The following CARMIL1 variants were observed in gnomAD, a reference collection of about 807,000 sequenced individuals.
CARMIL1 encodes the protein capping protein regulator and myosin 1 linker 1, also known as F-actin-uncapping protein LRRC16A.
Under a neutral mutation model 177.1 loss-of-function variants are expected in CARMIL1, and 90 were observed. That is an observed-to-expected ratio of 0.51 (90% CI 0.43 to 0.61). The LOEUF is 0.61. CARMIL1 is among the 20% of genes least tolerant of loss of function. CARMIL1 has a pLI of 0.00. For synonymous variants in CARMIL1, 577 were observed against 606.2 expected (o/e 0.95, Z 0.71); for missense variants, 1,380 against 1,667.0 (o/e 0.83, Z 3.00).
At chr6:25,517,131 TC>T (rs1187542082) in intron 21 of CARMIL1, among the ~76,000 whole-genome samples, 1 of 152,222 alleles carries the variant, frequency 6.6e-6, no homozygotes, top group Non-Finnish European at 1.5e-5. Context: ...GTACAGTTTT[TC>T]CATACTACTT....
At chr6:25,576,690 T>G (rs1442587839) in intron 29 of CARMIL1, among the ~76,000 whole-genome samples, 4 of 152,198 alleles carry the variant, frequency 2.6e-5, no homozygotes, top group Non-Finnish European at 5.9e-5. Flanking sequence ...AATATCACTT[T>G]GTACACACCT....
At chr6:25,380,597 C>A (rs963826227) in intron 2 of CARMIL1, among the ~76,000 whole-genome samples, 2 of 152,128 alleles carry the variant, frequency 1.3e-5, no homozygotes, top group East Asian at 1.9e-4. Flanking sequence ...AAAACTTATA[C>A]CTCCTATTGT....
At chr6:25,443,046 C>T (rs564048384) in intron 5 of CARMIL1, among the ~76,000 whole-genome samples, 8 of 152,262 alleles carry the variant, frequency 5.3e-5, no homozygotes, top group African/African-American at 1.9e-4. Context: ...GTAGCTGAAC[C>T]CCCTATGTAT....
chr6:25,509,060 T>G lies in CARMIL1; in HGVS notation c.1396-596T>G, dbSNP rs1805214147. On this transcript the variant is annotated intron_variant, in intron 17 of 36. Transcript: ENST00000329474. The surrounding 1 kb of genome is among the most constrained non-coding windows in gnomAD (Gnocchi z 4.1). ...ACAATCATGATAATAATATTTTATATTAATTTAACATTTTTCCATCCATGG... is the reference window on the plus strand; with the variant it reads ...ACAATCATGATAATAATATTTTATAGTAATTTAACATTTTTCCATCCATGG... Among the ~76,000 whole-genome samples the G allele has an allele frequency of 6.6e-6, 1 of 152,210 alleles. No individual in the cohort carries two copies. Among genetic ancestry groups the G allele is most frequent in the African/African-American group, 2.4e-5 (1 of 41,458 alleles).
rs940799253 is a variant in CARMIL1 at position 25,528,906 on chromosome 6, G to C, written c.2067+13G>C. ...CACCACCCAGCAGGTAAGCGAGCCA[G>C]TGCCTGTGACTTCTCCTTCTATTCT... On this transcript the variant is annotated intron_variant, in intron 24 of 36. Transcript: ENST00000329474. 1.3e-6 allele frequency: 2 copies of C among 1,594,200 alleles called. No individual in the cohort carries two copies. The highest frequency in any genetic ancestry group is 1.7e-6 in the Non-Finnish European group (2 of 1,168,044).
intron 2 of CARMIL1, among the ~76,000 whole-genome samples, chr6:25,382,510 G>A (rs927362716): frequency 6.6e-6 from 1 of 152,136 alleles, no homozygotes; most frequent in Non-Finnish European, 1.5e-5. Flanking sequence ...GTGTGGAAGG[G>A]GACCCGAGTG....
chr6:25,349,216 A>G (rs1787852754), intron 2 of CARMIL1, among the ~76,000 whole-genome samples: 1 of 152,180 alleles, frequency 6.6e-6, no homozygotes, highest in African/African-American at 2.4e-5. Flanking sequence ...CATTCTCTCA[A>G]TCAGACTGGG....
intron 8 of CARMIL1, among the ~76,000 whole-genome samples, chr6:25,457,140 G>A (rs1799606691): frequency 6.6e-6 from 1 of 152,208 alleles, no homozygotes. Context: ...CATGAACTCT[G>A]TGGGGTGAAC....
intron 2 of CARMIL1, among the ~76,000 whole-genome samples, chr6:25,309,751 A>G (rs1783623435): frequency 6.8e-6 from 1 of 146,004 alleles, no homozygotes; most frequent in Non-Finnish European, 1.5e-5. Flanking sequence ...ATTCCACTGT[A>G]TGAATATACC....
intron 2 of CARMIL1, among the ~76,000 whole-genome samples, chr6:25,416,801 C>G (rs375526897): frequency 6.6e-6 from 1 of 152,076 alleles, no homozygotes; most frequent in Non-Finnish European, 1.5e-5. Context: ...TATACAAACT[C>G]AGGGAATTTT....
chr6:25,370,202 A>G (rs1269679715), intron 2 of CARMIL1: 1 of 152,240 alleles, frequency 6.6e-6, no homozygotes, highest in African/African-American at 2.4e-5. Flanking sequence ...ACAGTAATTA[A>G]ACATTTGAAA....
chr6:25,458,110 A>T lies in CARMIL1; in HGVS notation c.614+7399A>T, dbSNP rs543249563. ...TACAGATCAGAAAGATGGTATCAGA[A>T]CTAGGTAATCTAGGTTTAATAGGTT... On this transcript the variant is annotated intron_variant, in intron 8 of 36. Coordinates refer to ENST00000329474, the MANE Select transcript of CARMIL1 (RefSeq NM_017640.6). Among the ~76,000 whole-genome samples the T allele has an allele frequency of 3.9e-5, 6 of 152,338 alleles. 1 individual carries two copies. The highest frequency in any genetic ancestry group is 4.1e-4 in the South Asian group (2 of 4,826).
intron 31 of CARMIL1, among the ~76,000 whole-genome samples, chr6:25,594,206 ATGG>A (rs1243306879): frequency 6.6e-6 from 1 of 152,180 alleles, no homozygotes; most frequent in Non-Finnish European, 1.5e-5. Flanking sequence ...TCCACAAGGC[ATGG>A]TGTTTATCGT....
In CARMIL1 at chr6:25,517,421, T is replaced by G. The variant is rs775639598; in HGVS notation, c.1874+6T>G. 7 of 1,610,744 alleles carry G rather than the reference T, an allele frequency of 4.3e-6. No individual in the cohort carries two copies. Among genetic ancestry groups the G allele is most frequent in the Non-Finnish European group, 5.1e-6 (6 of 1,177,672 alleles). Reference sequence around the variant, plus strand: ...ATAGCTGTTGCTATGGAAAAGTAAGTTTGAATTAGGATTTCTTTCTAGGAA... The same window carrying G: ...ATAGCTGTTGCTATGGAAAAGTAAGGTTGAATTAGGATTTCTTTCTAGGAA... On this transcript the variant is annotated splice_donor_region_variant and intron_variant, in intron 22 of 36. Transcript: ENST00000329474.
intron 2 of CARMIL1, among the ~76,000 whole-genome samples, chr6:25,327,484 G>A (rs538645451): frequency 6.6e-6 from 1 of 152,328 alleles, no homozygotes; most frequent in African/African-American, 2.4e-5. Flanking sequence ...GAAGAAACCA[G>A]AGAAACACAG....
At chr6:25,511,667 G>T (rs1218503973) in intron 20 of CARMIL1, among the ~76,000 whole-genome samples, 1 of 152,076 alleles carries the variant, frequency 6.6e-6, no homozygotes, top group Non-Finnish European at 1.5e-5. Context: ...TTCATACCAG[G>T]GAAGAGCAAA....
rs115414586 is a variant in CARMIL1, at chr6:25,393,877, G to A, written c.139-26237G>A. 5.8e-3 allele frequency among the ~76,000 whole-genome samples: 883 copies of A among 152,172 alleles called. 8 individuals are homozygous for A. The highest frequency in any genetic ancestry group is 0.02 in the African/African-American group (824 of 41,522). On this transcript the variant is annotated intron_variant, in intron 2 of 36. Coordinates refer to ENST00000329474, the MANE Select transcript of CARMIL1 (RefSeq NM_017640.6). ...TCTCTTAAAGAAAAAAGAAAAGAAAGATCATGATTGTTGTTGCTATTGTTA... is the reference window on the plus strand; with the variant it reads ...TCTCTTAAAGAAAAAAGAAAAGAAAAATCATGATTGTTGTTGCTATTGTTA...
At chr6:25,460,229 A>G (rs992843119) in intron 8 of CARMIL1, among the ~76,000 whole-genome samples, 1 of 152,216 alleles carries the variant, frequency 6.6e-6, no homozygotes, top group Non-Finnish European at 1.5e-5. Context: ...ATATTTATTC[A>G]TGATCTGCTT....
chr6:25,579,796 T>C (rs1812965911), intron 29 of CARMIL1, among the ~76,000 whole-genome samples: 1 of 152,194 alleles, frequency 6.6e-6, no homozygotes. Flanking sequence ...CAAAATGATA[T>C]TATTAAAACT....
Sources: gnomAD v4.1 joint callset for allele counts (sites outside exome capture counted in the v4.1 genomes callset) on GRCh38, gnomAD v4.1.1 for gene constraint, Gnocchi (gnomAD v3.1) non-coding constraint, MANE v1.5 for transcripts, NCBI Gene and HGNC (gene_info 2026-07-23, HGNC 2026-07-21) for gene names.